SCAP: variants seen among roughly 807,000 people sequenced by gnomAD.
SCAP encodes sterol regulatory element-binding protein cleavage-activating protein.
In SCAP, 65 loss-of-function variants were observed where a neutral mutation model predicts 123.6. The ratio of observed to expected loss-of-function variants is 0.53; its 90% CI spans 0.43 to 0.65. SCAP has a LOEUF of 0.65. Ranked by LOEUF, SCAP falls within the 30% of genes least tolerant of loss-of-function variation. The pLI, the probability that SCAP is intolerant of heterozygous loss-of-function variation, is 0.00. For synonymous variants in SCAP, 740 were observed against 726.3 expected (o/e 1.02, Z -0.30); for missense variants, 1,398 against 1,712.5 (o/e 0.82, Z 3.24).
rs376033338 is a variant in SCAP at position 47,423,921 on chromosome 3, C to A, written c.1150+12G>T. The A allele has an allele frequency of 8.4e-5, 135 of 1,600,706 alleles. 1 individual carries two copies. Among genetic ancestry groups the A allele is most frequent in the South Asian group, 5.3e-4 (48 of 90,810 alleles). On this transcript the variant is annotated intron_variant, in intron 9 of 22. Coordinates refer to ENST00000265565, the MANE Select transcript of SCAP (RefSeq NM_012235.4). ...TCCTGCAGCCCTCTGCCCAACTCTC[C>A]CACTGCGTTACCTTGGGCGATCCGC...
At chr3:47,451,420 C>G (rs1308443653) in intron 1 of SCAP, among the ~76,000 whole-genome samples, 1 of 62,724 alleles carries the variant, frequency 1.6e-5, no homozygotes, top group African/African-American at 5.8e-5. Flanking sequence ...TTTTTTGAGA[C>G]AGGGTCTCAC....
At chr3:47,431,224 G>A (rs1310544221) in intron 3 of SCAP, among the ~76,000 whole-genome samples, 1 of 151,776 alleles carries the variant, frequency 6.6e-6, no homozygotes, top group Non-Finnish European at 1.5e-5. Context: ...GAAGATGTGG[G>A]CAGGGCCCAC....
chr3:47,437,422 C>CA (rs35011639), intron 2 of SCAP, among the ~76,000 whole-genome samples: 50,565 of 63,444 alleles, frequency 0.8, 20,564 homozygotes, highest in East Asian at 0.96. Context: ...AACTCAATCT[C>CA]AAAAAAAAAA....
intron 1 of SCAP, among the ~76,000 whole-genome samples, chr3:47,448,391 C>T (rs1382017915): frequency 9.2e-5 from 14 of 151,940 alleles, no homozygotes; most frequent in Non-Finnish European, 1.6e-4. Flanking sequence ...GAAATTTCTA[C>T]GTAGACTTAT....
rs185806499 is a variant in SCAP, at chr3:47,413,951, C to T, written c.3743G>A (p.Arg1248His). 18 of 1,613,286 alleles carry T rather than the reference C, an allele frequency of 1.1e-5. No homozygotes were observed. The highest frequency in any genetic ancestry group is 1.1e-5 in the South Asian group (1 of 91,086). ...LGKNSEAQPA[R>H]QILVLDNAAI... ...AGCGTTGTCCAGCACCAGGATCTGGCGGGCAGGCTGGGCCTCACTGTTCTT... is the reference window on the plus strand; with the variant it reads ...AGCGTTGTCCAGCACCAGGATCTGGTGGGCAGGCTGGGCCTCACTGTTCTT... Residue 1248 changes from arginine (R) to histidine (H), a missense_variant, in exon 23 of 23, where the codon CGC (arginine) becomes CAC (histidine). Arg to His is a conservative substitution (Grantham distance 29). Transcript: ENST00000265565.
chr3:47,417,814 C>A lies in SCAP; in HGVS notation c.2460G>T (p.Arg820=). Residue 820 remains arginine (R), a synonymous_variant, in exon 17 of 23, where the codon CGG becomes CGT. Transcript: ENST00000265565. ...CAAGCCCGCTGCCCACGCCACTGTC[C>A]CGGCGCTGCCTGCTGGGGGCCAGGA... ...TRIPRPGRQR[R]DSGVGSGLEA... The A allele has an allele frequency of 7.1e-7, 1 of 1,415,496 alleles. No homozygotes were observed. The highest frequency in any genetic ancestry group is 9.4e-7 in the Non-Finnish European group (1 of 1,065,654). 87.7% of individuals were successfully genotyped at this position (1,415,496 alleles called of 1,614,324 possible).
In SCAP at chr3:47,419,176, A is replaced by T; in HGVS notation, c.1940+152T>A. The stretch of plus-strand genomic sequence containing the variant: ...CAACCTGGGACTCCTCTCTTGGGTT[A>T]TAGCTGCCTAAACCACCAGTTCCCA... On this transcript the variant is annotated intron_variant, in intron 13 of 22. Transcript: ENST00000265565. The surrounding 1 kb of genome is among the most constrained non-coding windows in gnomAD (Gnocchi z 5.0). 1 of 1,106,248 alleles carries T rather than the reference A, an allele frequency of 9.0e-7. No individual in the cohort carries two copies. The highest frequency in any genetic ancestry group is 1.3e-6 in the Non-Finnish European group (1 of 797,794). 68.5% of individuals were successfully genotyped at this position (1,106,248 alleles called of 1,614,324 possible).
intron 20 of SCAP, 65 bp downstream of exon 20, chr3:47,414,762 G>T (rs1046257490): frequency 6.2e-7 from 1 of 1,602,406 alleles, no homozygotes; most frequent in Non-Finnish European, 8.5e-7. Context: ...TCTCCCTGAC[G>T]AATGCATCAG....
intron 1 of SCAP, chr3:47,475,382 G>C (rs1353328016): frequency 2.0e-5 from 3 of 152,288 alleles, no homozygotes; most frequent in African/African-American, 7.2e-5. Context: ...AACTAGCGTT[G>C]TCTCTCAATA....
intron 1 of SCAP, among the ~76,000 whole-genome samples, chr3:47,446,439 G>C (rs923638839): frequency 6.6e-6 from 1 of 152,252 alleles, no homozygotes; most frequent in African/African-American, 2.4e-5. Context: ...CCAAAGGGCT[G>C]GGATTACAGG....
chr3:47,441,222 A>G (rs1365472713), intron 2 of SCAP, among the ~76,000 whole-genome samples: 18 of 152,120 alleles, frequency 1.2e-4, no homozygotes. Context: ...TTAAAAGAAA[A>G]ACAGGGTGAC....
At chr3:47,427,091 G>A (rs1437045356) in intron 6 of SCAP, 66 bp downstream of exon 6, 13 of 1,124,756 alleles carry the variant, frequency 1.2e-5, no homozygotes, top group Non-Finnish European at 1.6e-5. Flanking sequence ...AACCAGAAGA[G>A]GGACTACTCA....
intron 3 of SCAP, among the ~76,000 whole-genome samples, chr3:47,430,388 A>T (rs1706307828): frequency 6.6e-6 from 1 of 152,202 alleles, no homozygotes; most frequent in Admixed American, 6.5e-5. Context: ...CATGTCGCGG[A>T]GCACCCCAAA....
At chr3:47,422,675 C>A in intron 9 of SCAP, 139 bp from the exon 10 acceptor site, 1 of 644,796 alleles carries the variant, frequency 1.6e-6, no homozygotes, top group East Asian at 2.9e-5. Flanking sequence ...CCAAAGCACC[C>A]CAACCCTCAG....
In SCAP at chr3:47,414,663, G is replaced by A. The variant is rs377011536; in HGVS notation, c.3307-11C>T. 6.5e-5 allele frequency: 105 copies of A among 1,613,080 alleles called. No individual in the cohort carries two copies. The highest frequency in any genetic ancestry group is 3.3e-4 in the Middle Eastern group (2 of 6,084). On this transcript the variant is annotated splice_polypyrimidine_tract_variant and intron_variant, in intron 20 of 22. Transcript: ENST00000265565. ...CTCCAGACGGAACACCTGGGACAGGGATGGGCCTCAGGTTCTGGTCTCTGG... is the reference window on the plus strand; with the variant it reads ...CTCCAGACGGAACACCTGGGACAGGAATGGGCCTCAGGTTCTGGTCTCTGG...
intron 18 of SCAP, among the ~76,000 whole-genome samples, 154 bp downstream of exon 18, chr3:47,416,968 T>A (rs1705607788): frequency 6.6e-6 from 1 of 152,224 alleles, no homozygotes; most frequent in Non-Finnish European, 1.5e-5. Flanking sequence ...CCAAGTGGAC[T>A]GCCCTCTGCT....
chr3:47,442,910 G>A lies in SCAP; in HGVS notation c.84C>T (p.Pro28=), dbSNP rs1318890128. 1 of 1,614,166 alleles carries A rather than the reference G, an allele frequency of 6.2e-7. No homozygotes were observed. The highest frequency in any genetic ancestry group is 8.5e-7 in the Non-Finnish European group (1 of 1,180,026). The change falls in exon 2 of 23, where the codon CCC becomes CCT. Residue 28 remains proline, a synonymous_variant. Transcript: ENST00000265565. ...HGLLCASYPI[P]IILFTGFCIL... Reference sequence around the variant, plus strand: ...TGCAGAACCCTGTGAAGAGGATGATGGGGATGGGATAGGATGCACAGAGGA... The same window carrying A: ...TGCAGAACCCTGTGAAGAGGATGATAGGGATGGGATAGGATGCACAGAGGA...
Position 47,417,678 on chromosome 3 carries a change from G to A in SCAP, c.2596C>T (p.Leu866Phe), listed in dbSNP as rs759401951. 2 of 1,608,958 alleles carry A rather than the reference G, an allele frequency of 1.2e-6. No homozygotes were observed. The highest frequency in any genetic ancestry group is 2.2e-5 in the East Asian group (1 of 44,574). Residue 866 changes from leucine (L) to phenylalanine (F), a missense_variant, in exon 17 of 23, where the codon CTC becomes TTC. Around this residue, in one of 7 missense-constraint regions of SCAP, gnomAD observed 828 missense variants for 882.5 expected, o/e 0.94. Coordinates refer to ENST00000265565, the MANE Select transcript of SCAP (RefSeq NM_012235.4). ...GTGAGGTCAGGCTGGTCCCCGAAGAGGGAAGGCGGCGGAGGGCCCCGGGGG... is the reference window on the plus strand; with the variant it reads ...GTGAGGTCAGGCTGGTCCCCGAAGAAGGAAGGCGGCGGAGGGCCCCGGGGG... ...HRPRGPPPPS[L>F]FGDQPDLTCL...
intron 1 of SCAP, among the ~76,000 whole-genome samples, chr3:47,470,893 C>T (rs1708002778): frequency 6.6e-6 from 1 of 152,004 alleles, no homozygotes; most frequent in Non-Finnish European, 1.5e-5. Context: ...TTACCAGTTC[C>T]CCAGCATACT....
Sources: gnomAD v4.1 joint callset for allele counts (sites outside exome capture counted in the v4.1 genomes callset) on GRCh38, gnomAD v4.1.1 for gene constraint, gnomAD v4.1.1 regional missense constraint, Gnocchi (gnomAD v3.1) non-coding constraint, MANE v1.5 for transcripts, NCBI Gene and HGNC (gene_info 2026-07-23, HGNC 2026-07-21) for gene names.